The following ANTXR1 variants were observed in gnomAD, a reference collection of about 807,000 sequenced individuals.
ANTXR1 encodes ANTXR cell adhesion molecule 1, also known as anthrax toxin receptor 1.
Under a neutral mutation model 78.1 loss-of-function variants are expected in ANTXR1, and 19 were observed. That is an observed-to-expected ratio of 0.24 (90% confidence interval 0.17 to 0.36). The LOEUF (loss-of-function observed/expected upper bound fraction) is 0.36. Among genes scored for constraint, ANTXR1 ranks in the 10% least tolerant of loss-of-function variants. ANTXR1 has a pLI of 1.00. For synonymous variants in ANTXR1, 273 were observed against 260.5 expected, an observed-to-expected ratio of 1.05 and a Z score of -0.46; for missense variants, 518 against 718.6, an observed-to-expected ratio of 0.72 and a Z score of 3.19.
chr2:69,201,890 A>G (rs1466480630), intron 17 of ANTXR1, among the ~76,000 whole-genome samples: 1 of 152,134 alleles, frequency 6.6e-6, no homozygotes, highest in Non-Finnish European at 1.5e-5. Context: ...GACCAGGGGG[A>G]AGCATGAAGG....
chr2:69,223,654 G>T (rs147852294), intron 17 of ANTXR1, among the ~76,000 whole-genome samples: 77 of 152,278 alleles, frequency 5.1e-4, no homozygotes, highest in African/African-American at 1.8e-3. Context: ...TGACAAAAAT[G>T]ACCCAAAAAT....
intron 9 of ANTXR1, among the ~76,000 whole-genome samples, chr2:69,094,519 C>T (rs1671337739): frequency 6.6e-6 from 1 of 152,176 alleles, no homozygotes; most frequent in African/African-American, 2.4e-5. Flanking sequence ...TTGCCTTCAT[C>T]GAAAACCTTT....
At chr2:69,163,894 A>G (rs1673752747) in intron 13 of ANTXR1, among the ~76,000 whole-genome samples, 1 of 151,892 alleles carries the variant, frequency 6.6e-6, no homozygotes, top group Non-Finnish European at 1.5e-5. Flanking sequence ...TATGAAGTTG[A>G]CTATGAAGAA....
At chr2:69,233,075 C>T (rs1427254250) in intron 17 of ANTXR1, among the ~76,000 whole-genome samples, 1 of 152,044 alleles carries the variant, frequency 6.6e-6, no homozygotes, top group Non-Finnish European at 1.5e-5. Flanking sequence ...AAAAAAAGTA[C>T]AAAACCTGAA....
At chr2:69,169,800 C>T (rs956068262) in intron 13 of ANTXR1, among the ~76,000 whole-genome samples, 8 of 152,352 alleles carry the variant, frequency 5.3e-5, no homozygotes, top group South Asian at 2.1e-4. Flanking sequence ...GCCAGCAGCC[C>T]GCGTGGGGTC....
At chr2:69,055,287 G>C (rs1670036051) in intron 3 of ANTXR1, among the ~76,000 whole-genome samples, 1 of 152,158 alleles carries the variant, frequency 6.6e-6, no homozygotes, top group African/African-American at 2.4e-5. Context: ...TCCCTATATA[G>C]AGGGATGCAG....
intron 12 of ANTXR1, among the ~76,000 whole-genome samples, chr2:69,147,643 A>G (rs1186917349): frequency 6.6e-6 from 1 of 152,232 alleles, no homozygotes; most frequent in African/African-American, 2.4e-5. Flanking sequence ...ATAAATCTGA[A>G]GTTATAGTGT....
chr2:69,179,140 G>A (rs929543273), intron 14 of ANTXR1, among the ~76,000 whole-genome samples: 1 of 152,176 alleles, frequency 6.6e-6, no homozygotes, highest in Non-Finnish European at 1.5e-5. Flanking sequence ...TAAGATTCCT[G>A]CTTTCACATC....
intron 3 of ANTXR1, among the ~76,000 whole-genome samples, chr2:69,047,465 T>C (rs971654253): frequency 6.6e-6 from 1 of 152,224 alleles, no homozygotes; most frequent in South Asian, 2.1e-4. Context: ...TTGTTATATA[T>C]GGAATGTGTC....
At position 69,221,966 on chromosome 2, in the gene ANTXR1, A is replaced by T. The variant is rs117464722; in HGVS notation, c.1435-23259A>T. 1.1e-3 allele frequency among the ~76,000 whole-genome samples: 171 copies of T among 152,324 alleles called. 5 individuals carry two copies. In the East Asian group the frequency reaches 0.029, roughly 26 times the overall value. The stretch of plus-strand genomic sequence containing the variant: ...GAACCAGATCTATGATGTCTGAGCT[A>T]GACTCCTTAGCGGGTTTCGGAAAAA... On this transcript the variant is annotated intron_variant, in intron 17 of 17. Transcript: ENST00000303714.
chr2:69,235,651 C>CAAAAAAAAAAAAAAA (rs554310438), intron 17 of ANTXR1, among the ~76,000 whole-genome samples: 1 of 58,226 alleles, frequency 1.7e-5, no homozygotes, highest in African/African-American at 6.0e-5. Flanking sequence ...AACCCCGTCT[C>CAAAAAAAAAAAAAAA]AAAAAAAAAA....
intron 10 of ANTXR1, among the ~76,000 whole-genome samples, chr2:69,107,233 C>T (rs896351161): frequency 2.6e-5 from 4 of 151,208 alleles, no homozygotes; most frequent in South Asian, 2.1e-4. Context: ...ATAAAGAAAA[C>T]GTTTTGTTTT....
intron 17 of ANTXR1, among the ~76,000 whole-genome samples, chr2:69,199,532 C>T (rs1558640533): frequency 6.6e-6 from 1 of 152,196 alleles, no homozygotes; most frequent in Non-Finnish European, 1.5e-5. Context: ...CCCATCTTCA[C>T]ATATTCTGTT....
intron 3 of ANTXR1, among the ~76,000 whole-genome samples, chr2:69,052,487 T>C (rs1240319823): frequency 6.6e-6 from 1 of 152,032 alleles, no homozygotes; most frequent in Non-Finnish European, 1.5e-5. Context: ...GCCAATTTAA[T>C]ATATCTCTTC....
At chr2:69,044,263 T>C (rs1261126798) in intron 2 of ANTXR1, among the ~76,000 whole-genome samples, 1 of 152,202 alleles carries the variant, frequency 6.6e-6, no homozygotes, top group Non-Finnish European at 1.5e-5. Flanking sequence ...AAGTTGATGG[T>C]GATCCCACTT....
intron 12 of ANTXR1, 81 bp downstream of exon 12, chr2:69,124,724 A>G (rs1371469174): frequency 2.0e-6 from 3 of 1,508,346 alleles, no homozygotes; most frequent in Non-Finnish European, 2.8e-6. Context: ...ATCTTCTCCA[A>G]AGGTACCCTG....
intron 17 of ANTXR1, among the ~76,000 whole-genome samples, chr2:69,196,684 T>TG (rs1674674965): frequency 6.6e-6 from 1 of 152,238 alleles, no homozygotes; most frequent in Non-Finnish European, 1.5e-5. Flanking sequence ...AAACTCAAAA[T>TG]GACTCCATCC....
chr2:69,047,254 G>A (rs1222568912), intron 3 of ANTXR1, among the ~76,000 whole-genome samples: 1 of 152,056 alleles, frequency 6.6e-6, no homozygotes, highest in African/African-American at 2.4e-5. Flanking sequence ...TACACGTAGG[G>A]TAAAGCTATG....
chr2:69,091,445 CAAAAAAAAAAA>C (rs60795933), intron 9 of ANTXR1, among the ~76,000 whole-genome samples: 1 of 62,328 alleles, frequency 1.6e-5, no homozygotes, highest in African/African-American at 6.2e-5. Context: ...GACACCATCT[CAAAAAAAAAAA>C]AAAAAAAAAA....
Sources: gnomAD v4.1 joint callset for allele counts (sites outside exome capture counted in the v4.1 genomes callset) on GRCh38, gnomAD v4.1.1 for gene constraint, MANE v1.5 for transcripts, NCBI Gene and HGNC (gene_info 2026-07-23, HGNC 2026-07-21) for gene names.